SAMHD1: variants seen among roughly 807,000 people sequenced by gnomAD.
SAMHD1 encodes deoxynucleoside triphosphate triphosphohydrolase SAMHD1.
In SAMHD1, 54 loss-of-function variants were observed where a neutral mutation model predicts 79.6. That is an observed-to-expected ratio of 0.68 (90% CI 0.55 to 0.85). The LOEUF is 0.85. SAMHD1 is among the 40% of genes least tolerant of loss of function. SAMHD1 has a pLI of 0.00. For missense variants in SAMHD1, 663 were observed against 782.7 expected, an observed-to-expected ratio of 0.85 and a Z score of 1.82; for synonymous variants, 260 against 264.1, an observed-to-expected ratio of 0.98 and a Z score of 0.15.
chr20:36,935,350 G>T, intron 3 of SAMHD1, 161 bp from the exon 4 acceptor site: 1 of 661,222 alleles, frequency 1.5e-6, no homozygotes, highest in Non-Finnish European at 2.7e-6. Flanking sequence ...CCTTATTTAG[G>T]TATCACTACC....
At chr20:36,947,142 C>T (rs1600394776) in intron 1 of SAMHD1, 1 of 273,764 alleles carries the variant, frequency 3.7e-6, no homozygotes, top group Non-Finnish European at 7.1e-6. Flanking sequence ...GGGAAGGAAA[C>T]CTAAGTCTAT....
intron 10 of SAMHD1, 95 bp from the exon 11 acceptor site, chr20:36,911,428 A>G (rs1415135438): frequency 3.8e-6 from 3 of 785,806 alleles, no homozygotes; most frequent in African/African-American, 1.7e-5. Context: ...TAGGGAAACA[A>G]AATAATGAGG....
intron 13 of SAMHD1, among the ~76,000 whole-genome samples, chr20:36,902,295 C>T (rs1990320239): frequency 6.6e-6 from 1 of 152,150 alleles, no homozygotes; most frequent in African/African-American, 2.4e-5. Context: ...GATTCTCCTG[C>T]CTCAGCCTCC....
intron 11 of SAMHD1, among the ~76,000 whole-genome samples, chr20:36,909,396 C>T (rs1319056289): frequency 2.0e-5 from 3 of 151,652 alleles, no homozygotes; most frequent in East Asian, 1.9e-4. Context: ...TGGCTGGGCG[C>T]GGTGGCTCAC....
Position 36,935,033 on chromosome 20 carries a change from G to A in SAMHD1, c.505C>T (p.Leu169=). Residue 169 remains leucine, a synonymous_variant, in exon 4 of 16, where the codon CTA becomes TTA. Transcript: ENST00000646673. ...CCCACCCCATTCCCTTCTTACCCTA[G>A]ACTATGCTCAAATCGATTGTGTGAA... is the stretch of plus-strand genomic sequence containing the variant. The part of the protein sequence containing the change: ...GASHNRFEHS[L]GVGYLAGCLV... 7.4e-6 allele frequency: 12 copies of A among 1,613,912 alleles called. No individual in the cohort carries two copies. The highest frequency in any genetic ancestry group is 1.0e-5 in the Non-Finnish European group (12 of 1,179,914).
Position 36,930,989 on chromosome 20 carries a change from C to A in SAMHD1, c.510-114G>T. 4 of 735,588 alleles carry A rather than the reference C, an allele frequency of 5.4e-6. No individual in the cohort carries two copies. In the South Asian group the frequency reaches 5.7e-5, roughly 11 times the overall value. The allele number at this position is 735,588 out of a possible 1,614,324, so 45.6% of individuals were successfully genotyped here. A position where few individuals can be genotyped will look rare whatever the true frequency, so the allele number is the denominator to read the frequency against. On this transcript the variant is annotated intron_variant, in intron 4 of 15. Transcript: ENST00000646673. ...ACATTCTAACATACCTTTAGGGCAA[C>A]TTTACTGAACAGTATATTTCAGAAC...
At chr20:36,895,154 C>T (rs1352492737) in intron 15 of SAMHD1, among the ~76,000 whole-genome samples, 1 of 152,044 alleles carries the variant, frequency 6.6e-6, no homozygotes, top group Non-Finnish European at 1.5e-5. Flanking sequence ...CTCCCTACTG[C>T]TCTTGGCTGA....
At chr20:36,923,972 AG>A (rs2063521417) in intron 6 of SAMHD1, among the ~76,000 whole-genome samples, 1 of 152,148 alleles carries the variant, frequency 6.6e-6, no homozygotes, top group Non-Finnish European at 1.5e-5. Flanking sequence ...AGGACTGGCC[AG>A]GTGTGGTGGC....
chr20:36,934,856 C>A, intron 4 of SAMHD1, 173 bp downstream of exon 4: 3 of 597,934 alleles, frequency 5.0e-6, no homozygotes, highest in Non-Finnish European at 9.1e-6. Flanking sequence ...TGGGGTTTCA[C>A]AATGTTGGCC....
Position 36,935,075 on chromosome 20 carries a change from A to T in SAMHD1, c.463T>A (p.Tyr155Asn). The T allele has an allele frequency of 6.2e-7, 1 of 1,614,164 alleles. No homozygotes were observed. The highest frequency in any genetic ancestry group is 8.5e-7 in the Non-Finnish European group (1 of 1,180,020). Residue 155 changes from tyrosine to asparagine, a missense_variant, in exon 4 of 16, where the codon TAT becomes AAT. Transcript: ENST00000646673. ...TTGTGTGAAGCTCCTGGAAAAACATAGTAACCACCTCCCAGCTGTTTGATG... is the reference window on the plus strand; with the variant it reads ...TTGTGTGAAGCTCCTGGAAAAACATTGTAACCACCTCCCAGCTGTTTGATG... ...RYIKQLGGGY[Y>N]VFPGASHNRF...
Position 36,890,396 on chromosome 20 carries a change from C to CCCTTTCTTTCTTTCTTTCTTTT in SAMHD1, c.*2535_*2536insAAAAGAAAGAAAGAAAGAAAGG, listed in dbSNP as rs143176006. On this transcript the variant is annotated 3_prime_UTR_variant, in exon 16 of 16. Coordinates refer to ENST00000646673, the MANE Select transcript of SAMHD1 (RefSeq NM_015474.4). Reference sequence around the variant, plus strand: ...ATACAAATAGCAAAGATATTTCTTTCTCTTTCTTTCTTTCTTTCTTTCTTT... The same window carrying CCCTTTCTTTCTTTCTTTCTTTT: ...ATACAAATAGCAAAGATATTTCTTTCCCTTTCTTTCTTTCTTTCTTTTTCTTTCTTTCTTTCTTTCTTTCTTT... 7.0e-6 allele frequency: 1 copy of CCCTTTCTTTCTTTCTTTCTTTT among 142,450 alleles called. No homozygotes were observed. Among genetic ancestry groups the CCCTTTCTTTCTTTCTTTCTTTT allele is most frequent in the Non-Finnish European group, 1.5e-5 (1 of 65,368 alleles). The allele number at this position is 142,450 out of a possible 1,614,324, so 8.8% of individuals were successfully genotyped here.
intron 9 of SAMHD1, 111 bp downstream of exon 9, chr20:36,916,611 T>A (rs2063477367): frequency 6.2e-6 from 5 of 807,094 alleles, no homozygotes; most frequent in Admixed American, 1.7e-5. Flanking sequence ...ATCCTAGGAA[T>A]TAAGTAAAGA....
chr20:36,915,887 C>T (rs2148368317), intron 9 of SAMHD1, among the ~76,000 whole-genome samples: 1 of 152,188 alleles, frequency 6.6e-6, no homozygotes, highest in East Asian at 1.9e-4. Flanking sequence ...GGGCCAGGCA[C>T]CTTGGCTCAT....
chr20:36,900,670 G>A (rs900422056), intron 13 of SAMHD1, among the ~76,000 whole-genome samples: 1 of 151,720 alleles, frequency 6.6e-6, no homozygotes, highest in African/African-American at 2.4e-5. Context: ...GGGTTCAAGC[G>A]ATTTTCCTGC....
At chr20:36,897,771 T>C in intron 15 of SAMHD1, 51 bp downstream of exon 15, 1 of 1,612,366 alleles carries the variant, frequency 6.2e-7, no homozygotes, top group Non-Finnish European at 8.5e-7. Context: ...CTTTTGGTTT[T>C]TACTTAAAAA....
At chr20:36,917,716 A>C (rs932961950) in intron 7 of SAMHD1, among the ~76,000 whole-genome samples, 8 of 152,208 alleles carry the variant, frequency 5.3e-5, no homozygotes, top group Non-Finnish European at 1.0e-4. Context: ...TCATGCATTA[A>C]AACAGTACTA....
chr20:36,903,832 T>C, intron 13 of SAMHD1: 2 of 227,964 alleles, frequency 8.8e-6, no homozygotes, highest in South Asian at 5.5e-5. Flanking sequence ...ATTACAGGCG[T>C]GAGCCACCGT....
intron 4 of SAMHD1, chr20:36,934,806 G>A (rs762380187): frequency 6.3e-5 from 28 of 446,060 alleles, no homozygotes; most frequent in Non-Finnish European, 9.7e-5. Context: ...TTACAGGTGC[G>A]CACAATCATG....
At chr20:36,949,775 A>G (rs903154220) in intron 1 of SAMHD1, among the ~76,000 whole-genome samples, 1 of 151,032 alleles carries the variant, frequency 6.6e-6, no homozygotes, top group Admixed American at 6.6e-5. Context: ...AAAAAAAAAA[A>G]AAAAGAATCC....
Sources: allele counts gnomAD v4.1 joint callset (sites outside exome capture counted in the v4.1 genomes callset), GRCh38; gene constraint gnomAD v4.1.1; transcripts MANE v1.5; gene names NCBI Gene and HGNC (gene_info 2026-07-23, HGNC 2026-07-21).